Variants in GPC6 observed in about 807,000 individuals in gnomAD.
GPC6 encodes glypican 6.
In GPC6, 14 loss-of-function variants were observed where a neutral mutation model predicts 55.2. The ratio of observed to expected loss-of-function variants is 0.25; its 90% CI spans 0.17 to 0.40. GPC6 has a LOEUF of 0.40. Among genes scored for constraint, GPC6 ranks in the 10% least tolerant of loss-of-function variants. The probability of loss-of-function intolerance (pLI) is 1.00; values close to 1 mark genes in which losing one functional copy is unlikely to be tolerated. For synonymous variants in GPC6, 278 were observed against 259.6 expected (o/e 1.07, Z -0.68); for missense variants, 641 against 708.5 (o/e 0.90, Z 1.08).
intron 1 of GPC6, among the ~76,000 whole-genome samples, chr13:93,414,817 C>T (rs1489159782): frequency 6.6e-6 from 1 of 152,102 alleles, no homozygotes; most frequent in African/African-American, 2.4e-5. Context: ...TCCCCTCCCT[C>T]TTAATGTTAT....
chr13:93,442,370 T>C (rs1566359813), intron 1 of GPC6, among the ~76,000 whole-genome samples: 1 of 152,160 alleles, frequency 6.6e-6, no homozygotes, highest in Non-Finnish European at 1.5e-5. Flanking sequence ...GTGATGCTGG[T>C]AGAAAGGAGA....
intron 7 of GPC6, among the ~76,000 whole-genome samples, chr13:94,385,038 G>C (rs557443884): frequency 2.0e-5 from 3 of 152,078 alleles, no homozygotes; most frequent in Non-Finnish European, 4.4e-5. Flanking sequence ...TCAGGAGTTC[G>C]AGACCATCCT....
chr13:94,080,882 C>T (rs529038506), intron 4 of GPC6, among the ~76,000 whole-genome samples: 1 of 152,286 alleles, frequency 6.6e-6, no homozygotes, highest in South Asian at 2.1e-4. Context: ...TGGAAGGATA[C>T]AAATCAGTTC....
intron 4 of GPC6, among the ~76,000 whole-genome samples, chr13:94,091,348 AC>A (rs1885473342): frequency 6.6e-6 from 1 of 152,096 alleles, no homozygotes; most frequent in Non-Finnish European, 1.5e-5. Context: ...ACTGAAACAA[AC>A]AAAGAAAACT....
At chr13:93,256,450 C>T (rs1397576776) in intron 1 of GPC6, among the ~76,000 whole-genome samples, 1 of 151,898 alleles carries the variant, frequency 6.6e-6, no homozygotes, top group South Asian at 2.1e-4. Context: ...CTTGTTATTA[C>T]AAATATGAAA....
intron 6 of GPC6, among the ~76,000 whole-genome samples, chr13:94,378,904 A>G (rs1195139632): frequency 6.6e-6 from 1 of 152,134 alleles, no homozygotes; most frequent in Non-Finnish European, 1.5e-5. Context: ...ATTGTTCTAA[A>G]TTTTGTATTT....
chr13:93,918,318 G>A (rs147445606), intron 3 of GPC6, among the ~76,000 whole-genome samples: 1 of 151,954 alleles, frequency 6.6e-6, no homozygotes, highest in Non-Finnish European at 1.5e-5. Context: ...CATGTGCCAG[G>A]CAATCTTCTA....
chr13:93,638,519 TA>T (rs1218029578), intron 2 of GPC6, among the ~76,000 whole-genome samples: 1 of 152,124 alleles, frequency 6.6e-6, no homozygotes, highest in East Asian at 1.9e-4. Flanking sequence ...TGTATCTTAT[TA>T]AAAAATGAAT....
chr13:93,269,770 C>CAAA (rs55928643), intron 1 of GPC6, among the ~76,000 whole-genome samples: 1 of 114,596 alleles, frequency 8.7e-6, no homozygotes, highest in South Asian at 2.8e-4. Flanking sequence ...CTAAAAATAC[C>CAAA]AAAAAAAAAA....
At chr13:94,071,951 T>G (rs1884749785) in intron 4 of GPC6, among the ~76,000 whole-genome samples, 2 of 152,218 alleles carry the variant, frequency 1.3e-5, no homozygotes, top group Non-Finnish European at 2.9e-5. Flanking sequence ...CTAAATGACT[T>G]TTTGCCATAA....
chr13:93,703,698 A>G (rs1409053942), intron 2 of GPC6, among the ~76,000 whole-genome samples: 1 of 151,986 alleles, frequency 6.6e-6, no homozygotes, highest in African/African-American at 2.4e-5. Flanking sequence ...CAAGTTAAAA[A>G]TGGTAAATGC....
chr13:93,471,244 G>A (rs1192025420), intron 1 of GPC6, among the ~76,000 whole-genome samples: 4 of 151,976 alleles, frequency 2.6e-5, no homozygotes, highest in South Asian at 4.2e-4. Flanking sequence ...GCCGGGTGCA[G>A]TGGCTCATGC....
chr13:93,956,026 A>G (rs1158362849), intron 3 of GPC6, among the ~76,000 whole-genome samples: 2 of 152,096 alleles, frequency 1.3e-5, no homozygotes, highest in African/African-American at 2.4e-5. Context: ...AGCCACCACT[A>G]CTAGAGCCAC....
intron 2 of GPC6, among the ~76,000 whole-genome samples, chr13:93,692,833 T>A (rs1487626387): frequency 6.6e-6 from 1 of 152,116 alleles, no homozygotes; most frequent in Non-Finnish European, 1.5e-5. Flanking sequence ...TCTTCTTACA[T>A]CTCTCTTAAT....
At chr13:93,411,507 A>G (rs772169131) in intron 1 of GPC6, among the ~76,000 whole-genome samples, 2 of 152,210 alleles carry the variant, frequency 1.3e-5, no homozygotes, top group Admixed American at 1.3e-4. Context: ...CAGATAAGAA[A>G]TTCCCAGACA....
chr13:94,058,331 A>G lies in GPC6; in HGVS notation c.877+30437A>G, dbSNP rs577005710. Among the ~76,000 whole-genome samples, 18 of 152,302 alleles carry G rather than the reference A, an allele frequency of 1.2e-4. No individual in the cohort carries two copies. The East Asian group carries it at 3.5e-3, about 29-fold the overall frequency. On this transcript the variant is annotated intron_variant, in intron 4 of 8. Transcript: ENST00000377047. Reference sequence around the variant, plus strand: ...AATGGAGAGACCTAGCCCAGTGCCAATGTTCACTTACCTTTCAATTGCTTA... The same window carrying G: ...AATGGAGAGACCTAGCCCAGTGCCAGTGTTCACTTACCTTTCAATTGCTTA...
chr13:93,607,545 C>A (rs560487188), intron 2 of GPC6, among the ~76,000 whole-genome samples: 1 of 152,236 alleles, frequency 6.6e-6, no homozygotes, highest in East Asian at 1.9e-4. Context: ...CACAGAAACA[C>A]CCCCGTCATT....
At chr13:93,596,614 T>TAA (rs1877747304) in intron 2 of GPC6, among the ~76,000 whole-genome samples, 1 of 114,234 alleles carries the variant, frequency 8.8e-6, no homozygotes, top group African/African-American at 5.2e-5. Context: ...TAAATAAATA[T>TAA]ATATATATAT....
intron 4 of GPC6, among the ~76,000 whole-genome samples, chr13:94,080,163 G>A (rs377044806): frequency 2.6e-5 from 4 of 152,132 alleles, no homozygotes; most frequent in South Asian, 4.1e-4. Flanking sequence ...AATTTTAGAA[G>A]AGCCCAATTC....
Sources: gnomAD v4.1 joint callset for allele counts (sites outside exome capture counted in the v4.1 genomes callset) on GRCh38, gnomAD v4.1.1 for gene constraint, MANE v1.5 for transcripts, NCBI Gene and HGNC (gene_info 2026-07-23, HGNC 2026-07-21) for gene names.